Variants in VPS8 observed in about 807,000 individuals in gnomAD.
VPS8 encodes vacuolar protein sorting-associated protein 8 homolog.
VPS8 carries 129 observed loss-of-function variants against 216.4 expected under a neutral mutation model. The ratio of observed to expected loss-of-function variants is 0.60; its 90% CI spans 0.52 to 0.69. The LOEUF (loss-of-function observed/expected upper bound fraction) is 0.69. Ranked by LOEUF, VPS8 falls within the 30% of genes least tolerant of loss-of-function variation. VPS8 has a pLI of 0.00. For synonymous variants in VPS8, 571 were observed against 565.4 expected (o/e 1.01, Z -0.14); for missense variants, 1,531 against 1,683.5 (o/e 0.91, Z 1.59).
chr3:184,909,979 G>A (rs79095835), intron 25 of VPS8, among the ~76,000 whole-genome samples: 4,713 of 151,790 alleles, frequency 0.031, 261 homozygotes, highest in African/African-American at 0.11. Flanking sequence ...CCTCTCTCTT[G>A]TGCAGCTCCA....
chr3:184,987,399 T>C (rs1577071436), intron 42 of VPS8, among the ~76,000 whole-genome samples: 1 of 135,700 alleles, frequency 7.4e-6, no homozygotes, highest in Admixed American at 8.0e-5. Context: ...CAGGTGCGAG[T>C]CACCGTGCCC....
chr3:184,832,900 A>G, intron 4 of VPS8, 81 bp downstream of exon 4: 1 of 1,495,820 alleles, frequency 6.7e-7, no homozygotes, highest in Non-Finnish European at 9.0e-7. Flanking sequence ...TTTTTAAAGT[A>G]CAATATGGTC....
intron 28 of VPS8, among the ~76,000 whole-genome samples, chr3:184,918,491 C>T (rs1187629984): frequency 6.6e-6 from 1 of 152,136 alleles, no homozygotes; most frequent in Non-Finnish European, 1.5e-5. Flanking sequence ...TAACAATGTG[C>T]CATTTTGGTG....
chr3:185,037,199 A>G (rs1483523959), intron 46 of VPS8, among the ~76,000 whole-genome samples: 2 of 152,058 alleles, frequency 1.3e-5, no homozygotes, highest in Admixed American at 1.3e-4. Flanking sequence ...TTATCTGGGA[A>G]AGTTTTTATG....
intron 1 of VPS8, among the ~76,000 whole-genome samples, chr3:184,820,450 A>G (rs774570507): frequency 4.2e-4 from 64 of 152,162 alleles, no homozygotes; most frequent in Admixed American, 8.5e-4. Context: ...AATCATCCGG[A>G]ATAACCTTCC....
intron 23 of VPS8, among the ~76,000 whole-genome samples, chr3:184,895,826 G>A (rs1031449545): frequency 2.7e-5 from 4 of 150,114 alleles, no homozygotes; most frequent in African/African-American, 9.8e-5. Context: ...TAGAGACGGG[G>A]CTTCACCATG....
chr3:184,894,565 T>C (rs1188044473), intron 22 of VPS8, 138 bp from the exon 23 acceptor site: 1 of 578,888 alleles, frequency 1.7e-6, no homozygotes, highest in Non-Finnish European at 3.0e-6. Context: ...AGTATAAAAC[T>C]CTGTGAATAT....
intron 46 of VPS8, among the ~76,000 whole-genome samples, chr3:185,043,706 C>T (rs769055118): frequency 2.0e-5 from 3 of 152,194 alleles, no homozygotes; most frequent in Non-Finnish European, 2.9e-5. Context: ...ATTAGCTGCT[C>T]TCTCGTTCTC....
chr3:184,960,356 G>GC (rs1259784218), intron 37 of VPS8, among the ~76,000 whole-genome samples: 3 of 152,104 alleles, frequency 2.0e-5, no homozygotes, highest in Non-Finnish European at 4.4e-5. Flanking sequence ...CAGAAAAAAA[G>GC]CGTCAAAATA....
chr3:184,936,080 G>A (rs576991949), intron 34 of VPS8, among the ~76,000 whole-genome samples, 166 bp from the exon 35 acceptor site: 11 of 151,250 alleles, frequency 7.3e-5, no homozygotes, highest in African/African-American at 2.4e-4. Flanking sequence ...TTCTAATTTT[G>A]CTCATTTGCA....
chr3:185,048,493 T>C lies in VPS8; in HGVS notation c.4071T>C (p.Pro1357=). Residue 1357 remains proline, a synonymous_variant, in exon 47 of 48, where the codon CCT becomes CCC. Coordinates refer to ENST00000625842, the MANE Select transcript of VPS8 (RefSeq NM_001009921.3). The stretch of plus-strand genomic sequence containing the variant: ...TTATTTTTCAGGGAACCTCAGAACC[T>C]GTTCTGGATCCACAGCAAATCCAAG... The part of the protein sequence containing the change: ...DPTAKKGTSE[P]VLDPQQIQAF... 6.2e-7 allele frequency: 1 copy of C among 1,614,038 alleles called. No individual in the cohort carries two copies. The highest frequency in any genetic ancestry group is 1.1e-5 in the South Asian group (1 of 91,086).
intron 36 of VPS8, among the ~76,000 whole-genome samples, chr3:184,951,017 G>A (rs1323285066): frequency 2.6e-5 from 4 of 152,130 alleles, no homozygotes. Context: ...AAATAGTGCT[G>A]CAATAAACAA....
intron 46 of VPS8, among the ~76,000 whole-genome samples, chr3:185,032,524 C>T (rs1319234890): frequency 6.6e-6 from 1 of 152,042 alleles, no homozygotes; most frequent in Non-Finnish European, 1.5e-5. Context: ...CAGAAGCAAC[C>T]CTTAAAGGAG....
chr3:184,818,286 C>T (rs1255776166), intron 1 of VPS8, among the ~76,000 whole-genome samples: 3 of 151,970 alleles, frequency 2.0e-5, no homozygotes, highest in Non-Finnish European at 2.9e-5. Context: ...AATCCCAGCA[C>T]TTTGGGAGGC....
Position 184,826,153 on chromosome 3 carries a change from CTTTA to C in VPS8, c.154-5_154-2del, listed in dbSNP as rs1577735648. 6.3e-7 allele frequency: 1 copy of C among 1,591,230 alleles called. No individual in the cohort carries two copies. The highest frequency in any genetic ancestry group is 1.4e-5 in the African/African-American group (1 of 73,846). On this transcript the variant is annotated splice_region_variant and splice_polypyrimidine_tract_variant and intron_variant, in intron 2 of 47. Transcript: ENST00000625842. ...TCATTTTGTGAGCACTATTTTTTTT[CTTTA>C]TTTAGATTGATGACAAGGAGTTTGA...
intron 45 of VPS8, among the ~76,000 whole-genome samples, chr3:185,001,951 A>G (rs1374889691): frequency 6.6e-6 from 1 of 152,216 alleles, no homozygotes; most frequent in Non-Finnish European, 1.5e-5. Context: ...ATGAGTAGAT[A>G]TAAAATAGAC....
At chr3:184,869,723 T>TA (rs200471267) in intron 20 of VPS8, among the ~76,000 whole-genome samples, 195 bp downstream of exon 20, 1,559 of 150,654 alleles carry the variant, frequency 0.01, 23 homozygotes, top group African/African-American at 0.03. Flanking sequence ...ACCCCGTCTC[T>TA]AAAAAAAAAT....
intron 44 of VPS8, among the ~76,000 whole-genome samples, chr3:184,997,156 A>G (rs747001260): frequency 1.3e-4 from 20 of 152,200 alleles, no homozygotes; most frequent in Admixed American, 3.3e-4. Context: ...GCTACATTGC[A>G]AAGAGAGAGG....
At chr3:185,018,906 A>G (rs1011925353) in intron 45 of VPS8, among the ~76,000 whole-genome samples, 1 of 152,168 alleles carries the variant, frequency 6.6e-6, no homozygotes, top group Admixed American at 6.5e-5. Flanking sequence ...CTTTTTGCCC[A>G]TATGTCCTCT....
Sources: gnomAD v4.1 joint callset for allele counts (sites outside exome capture counted in the v4.1 genomes callset) on GRCh38, gnomAD v4.1.1 for gene constraint, MANE v1.5 for transcripts, NCBI Gene and HGNC (gene_info 2026-07-23, HGNC 2026-07-21) for gene names.